TP53BP2: variants seen among roughly 807,000 people sequenced by gnomAD.
The protein encoded by TP53BP2 is apoptosis-stimulating of p53 protein 2.
TP53BP2 carries 62 observed loss-of-function variants against 126.2 expected under a neutral mutation model. The observed-to-expected ratio is 0.49, with a 90% CI of 0.40 to 0.61. TP53BP2 has a LOEUF of 0.61. Ranked by LOEUF, TP53BP2 falls within the 20% of genes least tolerant of loss-of-function variation. The pLI is 0.00. For synonymous variants in TP53BP2, 485 were observed against 502.9 expected, an observed-to-expected ratio of 0.96 and a Z score of 0.48; for missense variants, 1,215 against 1,402.8, an observed-to-expected ratio of 0.87 and a Z score of 2.14.
Position 223,800,020 on chromosome 1 carries a change from T to C in TP53BP2, c.1364A>G (p.Glu455Gly), listed in dbSNP as rs1263327827. The C allele has an allele frequency of 6.2e-7, 1 of 1,611,572 alleles. No homozygotes were observed. The highest frequency in any genetic ancestry group is 8.5e-7 in the Non-Finnish European group (1 of 1,179,170). The change falls in exon 11 of 18, where the codon GAG (glutamate) becomes GGG (glycine). Residue 455 changes from glutamate to glycine, a missense_variant. By Grantham distance (98) the Glu-to-Gly change is moderately conservative. Around this residue, in one of 4 missense-constraint regions of TP53BP2, gnomAD observed 814 missense variants for 853.0 expected, o/e 0.95. Transcript: ENST00000343537. ...GAACGGACGCACTTTCTTCTCTTTC[T>C]CCCTCAGCGGAACCTCTCCATCATC... ...QVDDGEVPLR[E>G]KEKKVRPFSM... is the part of the protein sequence containing the mutation.
chr1:223,785,233 A>G (rs1190392929), intron 16 of TP53BP2, among the ~76,000 whole-genome samples: 1 of 152,234 alleles, frequency 6.6e-6, no homozygotes, highest in African/African-American at 2.4e-5. Flanking sequence ...AGCTTTTTCA[A>G]CTTATGTGAG....
chr1:223,782,947 T>G (rs1168711323), intron 17 of TP53BP2, among the ~76,000 whole-genome samples: 1 of 152,242 alleles, frequency 6.6e-6, no homozygotes, highest in Non-Finnish European at 1.5e-5. Flanking sequence ...TCATTTACAC[T>G]GCACGTTAGA....
intron 1 of TP53BP2, among the ~76,000 whole-genome samples, chr1:223,831,859 T>A (rs1376776489): frequency 1.3e-5 from 2 of 151,918 alleles, no homozygotes; most frequent in Non-Finnish European, 1.5e-5. Context: ...AGATGTGCCC[T>A]TCCAAAAATT....
chr1:223,806,505 T>C (rs908300750), intron 5 of TP53BP2, among the ~76,000 whole-genome samples: 7 of 152,150 alleles, frequency 4.6e-5, no homozygotes, highest in Admixed American at 2.0e-4. Flanking sequence ...ATATTAACAA[T>C]AGTGGCCTGT....
intron 1 of TP53BP2, among the ~76,000 whole-genome samples, chr1:223,832,501 T>C (rs535983909): frequency 2.0e-5 from 3 of 152,336 alleles, no homozygotes; most frequent in East Asian, 1.9e-4. Context: ...CGAAAATATT[T>C]CTTGTAAGAG....
At chr1:223,820,097 T>A (rs898878) in intron 2 of TP53BP2, among the ~76,000 whole-genome samples, 41,205 of 152,100 alleles carry the variant, frequency 0.27, 7,556 homozygotes, top group African/African-American at 0.52. Flanking sequence ...GAGATTAACA[T>A]TTTAGCTGCA....
In TP53BP2 at chr1:223,802,350, G is replaced by C; in HGVS notation, c.997-6C>G. ...AGATTTCCATCAGATGAAACCTTAG[G>C]AAAGAAGCACAGGTCCTTTAGTATT... On this transcript the variant is annotated splice_region_variant and splice_polypyrimidine_tract_variant and intron_variant, in intron 8 of 17. Transcript: ENST00000343537. 6.2e-7 allele frequency: 1 copy of C among 1,613,302 alleles called. No homozygotes were observed. Among genetic ancestry groups the C allele is most frequent in the Non-Finnish European group, 8.5e-7 (1 of 1,179,662 alleles).
intron 1 of TP53BP2, among the ~76,000 whole-genome samples, chr1:223,828,490 C>T (rs927248760): frequency 3.9e-5 from 6 of 152,154 alleles, no homozygotes; most frequent in Admixed American, 3.9e-4. Context: ...ATTGTGCCTT[C>T]CCTGGATCCT....
Position 223,845,823 on chromosome 1 carries a change from G to A in TP53BP2, c.-143C>T, listed in dbSNP as rs1168751925. The A allele has an allele frequency of 2.2e-5, 15 of 695,678 alleles. No individual in the cohort carries two copies. Among genetic ancestry groups the A allele is most frequent in the Admixed American group, 9.4e-5 (2 of 21,362 alleles). 43.1% of individuals were successfully genotyped at this position (695,678 alleles called of 1,614,324 possible). A position where few individuals can be genotyped will look rare whatever the true frequency, so the allele number is the denominator to read the frequency against. On this transcript the variant is annotated 5_prime_UTR_variant, in exon 1 of 18. Transcript: ENST00000343537. ...GGCAGCGGCGGCGCGCGGGTCCGAA[G>A]GGCCCTCCGCGCGGGCTGGGGCACC...
Position 223,798,548 on chromosome 1 carries a change from A to G in TP53BP2, c.1615T>C (p.Leu539=). 5.6e-6 allele frequency: 9 copies of G among 1,614,222 alleles called. No homozygotes were observed. The highest frequency in any genetic ancestry group is 7.6e-6 in the Non-Finnish European group (9 of 1,180,030). The part of the protein sequence containing the change: ...DIKPDGSSQQ[L]STVVPSMGTK... ...CCCATGGACGGAACAACTGTTGACAACTGCTGAGAACTTCCGTCTGGCTTA... is the reference window on the plus strand; with the variant it reads ...CCCATGGACGGAACAACTGTTGACAGCTGCTGAGAACTTCCGTCTGGCTTA... Residue 539 remains leucine (L), a synonymous_variant, in exon 12 of 18, where the codon TTG becomes CTG. Transcript: ENST00000343537.
chr1:223,806,778 C>A (rs939799615), intron 5 of TP53BP2, 68 bp downstream of exon 5: 2 of 1,245,362 alleles, frequency 1.6e-6, no homozygotes, highest in South Asian at 1.3e-5. Context: ...GAGCCAAGAT[C>A]GTGCCACTGC....
intron 15 of TP53BP2, among the ~76,000 whole-genome samples, chr1:223,790,229 G>A (rs1662106438): frequency 6.6e-6 from 1 of 151,070 alleles, no homozygotes; most frequent in Admixed American, 6.6e-5. Context: ...GCACTCCAGG[G>A]TGACACAGCA....
chr1:223,782,013 T>C (rs1661793006), intron 17 of TP53BP2, among the ~76,000 whole-genome samples: 1 of 150,242 alleles, frequency 6.7e-6, no homozygotes, highest in African/African-American at 2.5e-5. Context: ...AAACATGCAA[T>C]GTTCCCCGTG....
Position 223,796,604 on chromosome 1 carries a change from GAA to G in TP53BP2, c.1949-16_1949-15del, listed in dbSNP as rs28364803. The stretch of plus-strand genomic sequence containing the variant: ...GCTTACCATATACTAATTGGAAAAG[GAA>G]AAAAAAAAGCCCTCATTAGCATTAA... On this transcript the variant is annotated splice_polypyrimidine_tract_variant and intron_variant, in intron 12 of 17. Transcript: ENST00000343537. This position sits in a 1 kb window ranked among gnomAD's most constrained non-coding sequence, Gnocchi z 4.2. 2.8e-6 allele frequency: 4 copies of G among 1,417,168 alleles called. No individual in the cohort carries two copies. Among genetic ancestry groups the G allele is most frequent in the Non-Finnish European group, 9.4e-7 (1 of 1,065,142 alleles). 87.8% of individuals were successfully genotyped at this position (1,417,168 alleles called of 1,614,324 possible).
chr1:223,800,626 C>A, intron 10 of TP53BP2, 74 bp downstream of exon 10: 1 of 1,028,582 alleles, frequency 9.7e-7, no homozygotes, highest in Non-Finnish European at 1.4e-6. Context: ...AGAAAATGGA[C>A]TCTCTAAAAG....
chr1:223,806,031 A>G (rs934895151), intron 5 of TP53BP2, among the ~76,000 whole-genome samples: 3 of 152,082 alleles, frequency 2.0e-5, no homozygotes, highest in African/African-American at 7.2e-5. Context: ...GTGGCTTCTT[A>G]TATTTTCCTT....
In TP53BP2 at chr1:223,812,574, G is replaced by A. The variant is rs141135504; in HGVS notation, c.289+1666C>T. On this transcript the variant is annotated intron_variant, in intron 3 of 17. Coordinates refer to ENST00000343537, the MANE Select transcript of TP53BP2 (RefSeq NM_001031685.3). ...TGTTGTTGTTGTTGTTGTTGTTTTC[G>A]TTTTTTCAGATGAGTCTTGCTGTGT... 7.3e-4 allele frequency among the ~76,000 whole-genome samples: 110 copies of A among 151,658 alleles called. No individual in the cohort carries two copies. In the East Asian group the frequency reaches 0.021, roughly 29 times the overall value.
At chr1:223,832,433 A>C (rs1236131026) in intron 1 of TP53BP2, among the ~76,000 whole-genome samples, 1 of 152,198 alleles carries the variant, frequency 6.6e-6, no homozygotes, top group African/African-American at 2.4e-5. Flanking sequence ...CAGAAAGATA[A>C]ATGTAAAACT....
At chr1:223,797,911 TACAGTGAAGAC>T (rs1374943164) in intron 12 of TP53BP2, among the ~76,000 whole-genome samples, 1 of 152,132 alleles carries the variant, frequency 6.6e-6, no homozygotes. Context: ...CTGGTCAACC[TACAGTGAAGAC>T]ACACACCTTC....
Sources: gnomAD v4.1 joint callset for allele counts (sites outside exome capture counted in the v4.1 genomes callset) on GRCh38, gnomAD v4.1.1 for gene constraint, gnomAD v4.1.1 regional missense constraint, Gnocchi (gnomAD v3.1) non-coding constraint, MANE v1.5 for transcripts, NCBI Gene and HGNC (gene_info 2026-07-23, HGNC 2026-07-21) for gene names.